RNF216: variants seen among roughly 807,000 people sequenced by gnomAD.
RNF216 encodes the protein E3 ubiquitin-protein ligase RNF216.
In RNF216, 72 loss-of-function variants were observed where a neutral mutation model predicts 110.8. The observed-to-expected ratio is 0.65, with a 90% CI of 0.54 to 0.79. The LOEUF (loss-of-function observed/expected upper bound fraction) is 0.79, where lower values mean the gene tolerates loss of function less well. RNF216 is among the 30% of genes least tolerant of loss of function. The pLI is 0.00. For missense variants in RNF216, 1,342 were observed against 1,141.2 expected, an observed-to-expected ratio of 1.18 and a Z score of -2.54; for synonymous variants, 495 against 407.5, an observed-to-expected ratio of 1.21 and a Z score of -2.59.
At chr7:5,674,091 G>A (rs113818799) in intron 13 of RNF216, among the ~76,000 whole-genome samples, 4 of 151,372 alleles carry the variant, frequency 2.6e-5, no homozygotes, top group Non-Finnish European at 4.4e-5. Flanking sequence ...GTGCAATGGC[G>A]TTATCTCGGC....
chr7:5,724,684 T>C (rs1193238977), intron 8 of RNF216, among the ~76,000 whole-genome samples: 6 of 152,194 alleles, frequency 3.9e-5, no homozygotes, highest in Non-Finnish European at 7.4e-5. Context: ...AGTTTCCACT[T>C]AGTCATACCT....
chr7:5,741,275 G>T lies in RNF216; in HGVS notation c.742C>A (p.Gln248Lys). ...LNQQPREITN[Q>K]VVPQERQPEA... ...GGCTGCCGTTCCTGAGGAACGACCT[G>T]GTTTGTTATTTCACGGGGCTGTTGG... Residue 248 changes from glutamine to lysine, a missense_variant, in exon 4 of 17, where the codon CAG becomes AAG. Gln to Lys is a moderately conservative substitution (Grantham distance 53). Coordinates refer to ENST00000389902, the MANE Select transcript of RNF216 (RefSeq NM_207111.4). 1.9e-6 allele frequency: 3 copies of T among 1,614,078 alleles called. No homozygotes were observed. Among genetic ancestry groups the T allele is most frequent in the Non-Finnish European group, 2.5e-6 (3 of 1,179,970 alleles).
chr7:5,715,642 T>C (rs930322255), intron 10 of RNF216, among the ~76,000 whole-genome samples: 2 of 152,104 alleles, frequency 1.3e-5, no homozygotes, highest in Admixed American at 6.6e-5. Context: ...TAAGGGACTA[T>C]TGAAGCTATA....
At position 5,621,070 on chromosome 7, in the gene RNF216, C is replaced by G. The variant is rs576577510; in HGVS notation, c.*1790G>C. 6.6e-6 allele frequency: 1 copy of G among 152,442 alleles called. No individual in the cohort carries two copies. The highest frequency in any genetic ancestry group is 1.9e-4 in the East Asian group (1 of 5,186). 9.4% of individuals were successfully genotyped at this position (152,442 alleles called of 1,614,324 possible). A position where few individuals can be genotyped will look rare whatever the true frequency, so the allele number is the denominator to read the frequency against. On this transcript the variant is annotated 3_prime_UTR_variant, in exon 17 of 17. Coordinates refer to ENST00000389902, the MANE Select transcript of RNF216 (RefSeq NM_207111.4). ...CAGCAAGGACATAGCAGCAGGCTGC[C>G]CCCAAGCCCGGCCTCCCTGCGCACC...
chr7:5,693,265 T>G (rs1791442261), intron 13 of RNF216, among the ~76,000 whole-genome samples: 1 of 152,190 alleles, frequency 6.6e-6, no homozygotes, highest in African/African-American at 2.4e-5. Flanking sequence ...GTAGCTGGGA[T>G]AGATACCATA....
chr7:5,644,932 C>CTCCA (rs1787965553), intron 14 of RNF216, among the ~76,000 whole-genome samples: 1 of 150,570 alleles, frequency 6.6e-6, no homozygotes, highest in South Asian at 2.1e-4. Context: ...TCAAGAGATT[C>CTCCA]TCCAGCCTTA....
intron 13 of RNF216, among the ~76,000 whole-genome samples, chr7:5,662,880 T>C (rs1262363342): frequency 3.3e-5 from 5 of 151,958 alleles, no homozygotes; most frequent in African/African-American, 1.2e-4. Context: ...CTGAAGGCTA[T>C]CTGGTAGAGA....
At chr7:5,722,116 G>A (rs2128636798) in intron 8 of RNF216, among the ~76,000 whole-genome samples, 1 of 152,204 alleles carries the variant, frequency 6.6e-6, no homozygotes, top group African/African-American at 2.4e-5. Flanking sequence ...TTAGAGATGG[G>A]ATTTTGCCAT....
chr7:5,760,944 C>T (rs1182085708), intron 2 of RNF216, 59 bp downstream of exon 2: 24 of 1,297,118 alleles, frequency 1.9e-5, no homozygotes, highest in Non-Finnish European at 2.3e-5. Flanking sequence ...AAAGATACAG[C>T]TGTGATACTA....
chr7:5,667,606 G>A (rs1789613219), intron 13 of RNF216, among the ~76,000 whole-genome samples: 1 of 152,204 alleles, frequency 6.6e-6, no homozygotes, highest in South Asian at 2.1e-4. Context: ...TATCACTTGG[G>A]CAGAAACAAG....
intron 13 of RNF216, among the ~76,000 whole-genome samples, chr7:5,683,169 T>C (rs1790766923): frequency 6.6e-6 from 1 of 151,858 alleles, no homozygotes; most frequent in Non-Finnish European, 1.5e-5. Flanking sequence ...GACCACAAGC[T>C]AGAAATGCAG....
chr7:5,629,311 T>C (rs1786910557), intron 15 of RNF216, among the ~76,000 whole-genome samples: 2 of 151,696 alleles, frequency 1.3e-5, no homozygotes. Flanking sequence ...AACCCAGCTC[T>C]ACAAAATTTT....
chr7:5,739,336 T>A lies in RNF216; in HGVS notation c.1061A>T (p.Asp354Val). 6.3e-7 allele frequency: 1 copy of A among 1,597,396 alleles called. No homozygotes were observed. The highest frequency in any genetic ancestry group is 8.5e-7 in the Non-Finnish European group (1 of 1,175,016). The change falls in exon 5 of 17, where the codon GAT becomes GTT. Residue 354 changes from aspartate to valine, a missense_variant. Transcript: ENST00000389902. ...LVKETEARFP[D>V]VANGFIEEII... ...TTCCTCAATAAACCCATTTGCTACA[T>A]CTGGAAATCTTGCTTCCTAGAAACA...
intron 4 of RNF216, among the ~76,000 whole-genome samples, 198 bp downstream of exon 4, chr7:5,740,775 G>C (rs1011930569): frequency 2.0e-5 from 3 of 152,014 alleles, no homozygotes; most frequent in Non-Finnish European, 4.4e-5. Flanking sequence ...GCTTCCTGAA[G>C]GTTAAGTATA....
intron 13 of RNF216, among the ~76,000 whole-genome samples, chr7:5,681,231 T>C (rs1790631420): frequency 6.6e-6 from 1 of 152,202 alleles, no homozygotes; most frequent in Admixed American, 6.5e-5. Flanking sequence ...ATACTATGCC[T>C]AATGTAGGAA....
intron 13 of RNF216, 138 bp from the exon 14 acceptor site, chr7:5,652,648 T>C (rs1213751134): frequency 1.6e-6 from 1 of 636,876 alleles, no homozygotes; most frequent in Non-Finnish European, 2.8e-6. Context: ...TCAGGGGGGA[T>C]ATTTCTAAAG....
At chr7:5,773,769 T>C (rs10229675) in intron 1 of RNF216, among the ~76,000 whole-genome samples, 8,544 of 152,206 alleles carry the variant, frequency 0.056, 788 homozygotes, top group African/African-American at 0.19. Context: ...GGTTTTGTCA[T>C]GTTGGCCAGG....
intron 13 of RNF216, among the ~76,000 whole-genome samples, chr7:5,662,236 G>C (rs1470300466): frequency 1.3e-5 from 2 of 152,156 alleles, no homozygotes; most frequent in Non-Finnish European, 2.9e-5. Context: ...CTAATCACAG[G>C]GTGATCTCAG....
chr7:5,661,192 G>A (rs527846483), intron 13 of RNF216, among the ~76,000 whole-genome samples: 1 of 150,272 alleles, frequency 6.7e-6, no homozygotes, highest in African/African-American at 2.5e-5. Flanking sequence ...TGCCCACCTC[G>A]GCCTCCCAAA....
Sources: allele counts gnomAD v4.1 joint callset (sites outside exome capture counted in the v4.1 genomes callset), GRCh38; gene constraint gnomAD v4.1.1; transcripts MANE v1.5; gene names NCBI Gene and HGNC (gene_info 2026-07-23, HGNC 2026-07-21).